The following TENM3 variants were observed in gnomAD, a reference collection of about 807,000 sequenced individuals.
TENM3 encodes the protein teneurin transmembrane protein 3, also known as teneurin-3.
TENM3 carries 63 observed loss-of-function variants against 255.1 expected under a neutral mutation model. The ratio of observed to expected loss-of-function variants is 0.25; its 90% confidence interval spans 0.20 to 0.30. The LOEUF is 0.30. Ranked by LOEUF, TENM3 falls within the 10% of genes least tolerant of loss-of-function variation. TENM3 has a pLI of 1.00. For missense variants in TENM3, 2,929 were observed against 3,461.1 expected (o/e 0.85, Z 3.86); for synonymous variants, 1,306 against 1,322.3 (o/e 0.99, Z 0.27).
intron 3 of TENM3, among the ~76,000 whole-genome samples, chr4:182,443,732 C>G (rs188653764): frequency 6.6e-6 from 1 of 152,268 alleles, no homozygotes; most frequent in Admixed American, 6.5e-5. Context: ...CACACACACC[C>G]AGATCCTGCT....
chr4:181,786,985 G>A, the TENM3 span, among the ~76,000 whole-genome samples: 1 of 152,210 alleles, frequency 6.6e-6, no homozygotes, highest in Non-Finnish European at 1.5e-5. Context: ...GTTGGAACAA[G>A]TAAGAATGAT....
At chr4:182,528,258 T>C (rs574421230) in intron 3 of TENM3, among the ~76,000 whole-genome samples, 1 of 152,192 alleles carries the variant, frequency 6.6e-6, no homozygotes, top group South Asian at 2.1e-4. Context: ...GCTGAGATTA[T>C]AGACATGCAC....
the TENM3 span, among the ~76,000 whole-genome samples, chr4:181,948,201 A>C: frequency 3.3e-5 from 5 of 152,276 alleles, no homozygotes; most frequent in Non-Finnish European, 5.9e-5. Flanking sequence ...CTTAACTCTT[A>C]AGGAGAATAT....
chr4:181,534,467 C>CA, the TENM3 span, among the ~76,000 whole-genome samples: 1 of 99,114 alleles, frequency 1.0e-5, no homozygotes, highest in Non-Finnish European at 2.0e-5. Context: ...CTGAGGTCTT[C>CA]CCCCCCCCCA....
intron 4 of TENM3, among the ~76,000 whole-genome samples, chr4:182,614,510 TA>T (rs2152436658): frequency 1.3e-5 from 2 of 152,336 alleles, no homozygotes; most frequent in South Asian, 4.1e-4. Context: ...TATTACTTAT[TA>T]CTTCTTAGCT....
intron 3 of TENM3, among the ~76,000 whole-genome samples, chr4:182,455,744 T>G (rs896783998): frequency 1.3e-5 from 2 of 151,886 alleles, no homozygotes; most frequent in African/African-American, 4.8e-5. Flanking sequence ...TGTATTTTAG[T>G]AGAGACAGGG....
At chr4:181,493,676 G>A in the TENM3 span, among the ~76,000 whole-genome samples, 4 of 151,772 alleles carry the variant, frequency 2.6e-5, no homozygotes, top group South Asian at 2.1e-4. Flanking sequence ...GCCAAGAGGC[G>A]CAGGATACAG....
the TENM3 span, among the ~76,000 whole-genome samples, chr4:181,701,981 G>GTTGACCAGAAGCAGCCTAGGTCC: frequency 2.6e-5 from 4 of 152,156 alleles, no homozygotes; most frequent in African/African-American, 9.7e-5. Context: ...CACAGGATCT[G>GTTGACCAGAAGCAGCCTAGGTCC]TTGACCAGAA....
At chr4:181,459,924 A>G in the TENM3 span, among the ~76,000 whole-genome samples, 1 of 151,942 alleles carries the variant, frequency 6.6e-6, no homozygotes, top group Non-Finnish European at 1.5e-5. Context: ...AACGATATTG[A>G]GTCTCCTGAT....
the TENM3 span, among the ~76,000 whole-genome samples, chr4:181,604,732 CTG>C: frequency 0.015 from 2,306 of 152,314 alleles, 38 homozygotes; most frequent in South Asian, 0.069. Context: ...ATCACCACGA[CTG>C]TTTACCAAGA....
chr4:181,993,677 TCCTATGC>T, the TENM3 span, among the ~76,000 whole-genome samples: 3 of 152,148 alleles, frequency 2.0e-5, no homozygotes. Context: ...CCCAACCATG[TCCTATGC>T]CTCAAACTTT....
chr4:181,743,528 T>C, the TENM3 span, among the ~76,000 whole-genome samples: 4 of 152,116 alleles, frequency 2.6e-5, no homozygotes, highest in Admixed American at 1.3e-4. Context: ...AGCCTGCAGA[T>C]ACCTGGGGAA....
At chr4:181,951,390 C>G in the TENM3 span, among the ~76,000 whole-genome samples, 1 of 152,196 alleles carries the variant, frequency 6.6e-6, no homozygotes, top group African/African-American at 2.4e-5. Context: ...GAAACAGGAG[C>G]TTTAGCATGA....
At chr4:181,986,589 A>G in the TENM3 span, among the ~76,000 whole-genome samples, 1 of 152,022 alleles carries the variant, frequency 6.6e-6, no homozygotes, top group Non-Finnish European at 1.5e-5. Flanking sequence ...TCCACTGCTC[A>G]TACCTATAGC....
the TENM3 span, among the ~76,000 whole-genome samples, chr4:181,910,329 G>A: frequency 6.6e-6 from 1 of 151,860 alleles, no homozygotes; most frequent in Non-Finnish European, 1.5e-5. Context: ...CACTTTGAGA[G>A]GCTGAGGAGG....
chr4:181,691,961 G>A, the TENM3 span, among the ~76,000 whole-genome samples: 1 of 152,128 alleles, frequency 6.6e-6, no homozygotes, highest in Non-Finnish European at 1.5e-5. Context: ...CTAGGTGCTT[G>A]TCTTTAAGTT....
chr4:181,619,263 C>G, the TENM3 span, among the ~76,000 whole-genome samples: 1 of 152,104 alleles, frequency 6.6e-6, no homozygotes, highest in Non-Finnish European at 1.5e-5. Context: ...TCCCCAAGCC[C>G]TGTCCATACC....
At chr4:182,136,997 T>C in the TENM3 span, among the ~76,000 whole-genome samples, 16 of 150,458 alleles carry the variant, frequency 1.1e-4, no homozygotes, top group South Asian at 3.5e-3. Flanking sequence ...CAATACAACG[T>C]TGTGTTAAAC....
Position 182,419,413 on chromosome 4 carries a change from C to T in TENM3, c.511+72484C>T, listed in dbSNP as rs187681537. ...GTGGAGAAATAGGAACGCTTTTACA[C>T]TGTTGGTGGGAGTGTAAACTAGTTC... On this transcript the variant is annotated intron_variant, in intron 3 of 27. Coordinates refer to ENST00000511685, the MANE Select transcript of TENM3 (RefSeq NM_001080477.4). Among the ~76,000 whole-genome samples the T allele has an allele frequency of 1.5e-3, 233 of 152,330 alleles. 1 individual carries two copies. Among genetic ancestry groups the T allele is most frequent in the African/African-American group, 5.4e-3 (223 of 41,570 alleles).
Sources: allele counts gnomAD v4.1 joint callset (sites outside exome capture counted in the v4.1 genomes callset), GRCh38; gene constraint gnomAD v4.1.1; transcripts MANE v1.5; gene names NCBI Gene and HGNC (gene_info 2026-07-23, HGNC 2026-07-21).